Variants in PCDH15 observed in about 807,000 individuals in gnomAD.
PCDH15 encodes protocadherin related 15, also known as protocadherin-15.
PCDH15 carries 129 observed loss-of-function variants against 178.5 expected under a neutral mutation model. The ratio of observed to expected loss-of-function variants is 0.72; its 90% CI spans 0.63 to 0.84. The LOEUF is 0.84. PCDH15 is among the 40% of genes least tolerant of loss of function. PCDH15 has a pLI of 0.00. For missense variants in PCDH15, 2,230 were observed against 2,099.9 expected, an observed-to-expected ratio of 1.06 and a Z score of -1.21; for synonymous variants, 800 against 732.0, an observed-to-expected ratio of 1.09 and a Z score of -1.50.
chr10:54,922,092 A>T (rs1442443139), intron 2 of PCDH15, among the ~76,000 whole-genome samples: 1 of 152,128 alleles, frequency 6.6e-6, no homozygotes, highest in Non-Finnish European at 1.5e-5. Context: ...TCAACATGAG[A>T]TTTGGGTGGG....
chr10:54,305,357 TA>T (rs1219413613), intron 8 of PCDH15, among the ~76,000 whole-genome samples: 1 of 151,964 alleles, frequency 6.6e-6, no homozygotes, highest in Non-Finnish European at 1.5e-5. Flanking sequence ...AAGCACTTTT[TA>T]AAAAAGTAAT....
chr10:54,886,605 T>C (rs1248249113), intron 3 of PCDH15, among the ~76,000 whole-genome samples: 1 of 151,990 alleles, frequency 6.6e-6, no homozygotes, highest in Non-Finnish European at 1.5e-5. Context: ...CTACCGAAAA[T>C]ACAAAAACTA....
At chr10:55,412,223 A>G (rs1359117407) in intron 2 of PCDH15, among the ~76,000 whole-genome samples, 1 of 152,000 alleles carries the variant, frequency 6.6e-6, no homozygotes, top group East Asian at 1.9e-4. Flanking sequence ...CTCTCACTGA[A>G]TGGAGGGGAT....
At chr10:54,126,038 T>A (rs2041960309) in intron 15 of PCDH15, among the ~76,000 whole-genome samples, 1 of 151,808 alleles carries the variant, frequency 6.6e-6, no homozygotes, top group Non-Finnish European at 1.5e-5. Context: ...GGAAAACAGA[T>A]TCCTTTTAGA....
chr10:53,867,836 A>G (rs1329718265), intron 26 of PCDH15, among the ~76,000 whole-genome samples: 1 of 152,172 alleles, frequency 6.6e-6, no homozygotes, highest in Non-Finnish European at 1.5e-5. Context: ...ATGCCATAAC[A>G]TAATTCTCTA....
intron 2 of PCDH15, among the ~76,000 whole-genome samples, chr10:55,413,169 T>A (rs1303004997): frequency 2.0e-5 from 3 of 151,794 alleles, no homozygotes; most frequent in Non-Finnish European, 4.4e-5. Flanking sequence ...ATTAAGAATA[T>A]AAATGCCTTC....
At chr10:55,186,661 T>C (rs1839807767) in intron 1 of PCDH15, among the ~76,000 whole-genome samples, 1 of 151,844 alleles carries the variant, frequency 6.6e-6, no homozygotes, top group African/African-American at 2.4e-5. Context: ...AAAAAATCTA[T>C]AAATTTTAGA....
intron 2 of PCDH15, among the ~76,000 whole-genome samples, chr10:55,020,521 A>G (rs1417359641): frequency 6.6e-6 from 1 of 152,114 alleles, no homozygotes; most frequent in Non-Finnish European, 1.5e-5. Flanking sequence ...AAAAACAGAT[A>G]TATGGTTAAG....
intron 1 of PCDH15, among the ~76,000 whole-genome samples, chr10:55,223,879 T>G (rs1840953315): frequency 6.6e-6 from 1 of 152,192 alleles, no homozygotes; most frequent in African/African-American, 2.4e-5. Context: ...ATTGAAAATT[T>G]TACCTTTCAG....
At chr10:55,081,617 G>A (rs1171280529) in intron 2 of PCDH15, among the ~76,000 whole-genome samples, 1 of 152,102 alleles carries the variant, frequency 6.6e-6, no homozygotes, top group Non-Finnish European at 1.5e-5. Context: ...ATTTATAAAG[G>A]ATGCCTGAGA....
At chr10:55,355,641 A>G (rs1845056968) in intron 2 of PCDH15, among the ~76,000 whole-genome samples, 1 of 151,892 alleles carries the variant, frequency 6.6e-6, no homozygotes, top group Non-Finnish European at 1.5e-5. Flanking sequence ...ATATTTTTGT[A>G]TACAATTCTC....
Position 54,284,130 on chromosome 10 carries a change from C to T in PCDH15, c.876+33141G>A, listed in dbSNP as rs139666800. On this transcript the variant is annotated intron_variant, in intron 8 of 37. Coordinates refer to ENST00000644397, the MANE Select transcript of PCDH15 (RefSeq NM_001384140.1). Reference sequence around the variant, plus strand: ...AATTACAGTCATGAGCCATGGTGCCCGGCCTAATAAATGATTTTCAATAAA... The same window carrying T: ...AATTACAGTCATGAGCCATGGTGCCTGGCCTAATAAATGATTTTCAATAAA... Among the ~76,000 whole-genome samples the T allele has an allele frequency of 5.2e-3, 798 of 152,038 alleles. 9 individuals are homozygous for T. The highest frequency in any genetic ancestry group is 0.016 in the African/African-American group (680 of 41,482).
intron 5 of PCDH15, among the ~76,000 whole-genome samples, chr10:54,348,432 TAGTC>T (rs1206265514): frequency 6.6e-6 from 1 of 152,168 alleles, no homozygotes; most frequent in Non-Finnish European, 1.5e-5. Context: ...GTAGAAATGT[TAGTC>T]AGCTAAATTG....
At chr10:55,132,128 C>T (rs576086108) in intron 2 of PCDH15, among the ~76,000 whole-genome samples, 13 of 152,254 alleles carry the variant, frequency 8.5e-5, no homozygotes, top group Non-Finnish European at 1.3e-4. Flanking sequence ...TAGCCCCAGC[C>T]GTGCCTCCCC....
intron 2 of PCDH15, among the ~76,000 whole-genome samples, chr10:55,425,135 A>C (rs1000636408): frequency 1.2e-4 from 18 of 151,948 alleles, no homozygotes; most frequent in African/African-American, 4.3e-4. Flanking sequence ...GTTTTAAGAC[A>C]AAGAGTAATC....
chr10:54,084,171 C>T (rs1590315872), intron 16 of PCDH15, among the ~76,000 whole-genome samples: 2 of 151,816 alleles, frequency 1.3e-5, no homozygotes, highest in Non-Finnish European at 2.9e-5. Flanking sequence ...CTGCAACCTC[C>T]ACTTCCCAGG....
chr10:55,235,198 A>G (rs12264155), intron 1 of PCDH15, among the ~76,000 whole-genome samples: 8,142 of 152,154 alleles, frequency 0.054, 249 homozygotes, highest in East Asian at 0.1. Flanking sequence ...AATTTTATAC[A>G]TGGGTAAGTC....
intron 1 of PCDH15, among the ~76,000 whole-genome samples, chr10:55,231,372 G>C (rs1181553350): frequency 6.6e-6 from 1 of 151,940 alleles, no homozygotes; most frequent in Non-Finnish European, 1.5e-5. Flanking sequence ...CCCGAATAAT[G>C]TAAAGTTTAA....
intron 8 of PCDH15, among the ~76,000 whole-genome samples, chr10:54,280,013 T>C (rs888141620): frequency 6.6e-6 from 1 of 151,718 alleles, no homozygotes; most frequent in Non-Finnish European, 1.5e-5. Flanking sequence ...ATCACCATTG[T>C]CATTAAACCA....
Sources: allele counts gnomAD v4.1 joint callset (sites outside exome capture counted in the v4.1 genomes callset), GRCh38; gene constraint gnomAD v4.1.1; transcripts MANE v1.5; gene names NCBI Gene and HGNC (gene_info 2026-07-23, HGNC 2026-07-21).